Variants in ANK3 observed in about 807,000 individuals in gnomAD.
ANK3 encodes the protein ankyrin 3, also known as ankyrin-3.
In ANK3, 57 loss-of-function variants were observed where a neutral mutation model predicts 370.9. The observed-to-expected ratio is 0.15, with a 90% CI of 0.12 to 0.19. The LOEUF (loss-of-function observed/expected upper bound fraction) is 0.19. ANK3 is among the 10% of genes least tolerant of loss of function. The pLI is 1.00. For missense variants in ANK3, 4,439 were observed against 5,302.1 expected (o/e 0.84, Z 5.06); for synonymous variants, 1,929 against 1,946.3 (o/e 0.99, Z 0.23).
rs10994373 is a variant in ANK3, at chr10:60,484,241, C to T, written c.96+130945G>A. Among the ~76,000 whole-genome samples the T allele has an allele frequency of 3.7e-3, 569 of 152,184 alleles. 2 individuals are homozygous for T. The highest frequency in any genetic ancestry group is 0.013 in the African/African-American group (525 of 41,510). On this transcript the variant is annotated intron_variant, in intron 2 of 43. Coordinates refer to the ANK3 transcript ENST00000373827. ...TGAGGGGGATGGAAATGAGAGACAA[C>T]CTTAGATGACGGTTGTGTCAACTGG...
chr10:60,471,057 G>GCTCT (rs1383389184), intron 2 of ANK3, among the ~76,000 whole-genome samples: 3 of 152,108 alleles, frequency 2.0e-5, no homozygotes, highest in Non-Finnish European at 4.4e-5. Context: ...TATTAGCACT[G>GCTCT]CTCTAGCCTT....
intron 42 of ANK3, among the ~76,000 whole-genome samples, chr10:60,048,050 C>T (rs575630898): frequency 1.3e-5 from 2 of 152,238 alleles, no homozygotes; most frequent in Non-Finnish European, 2.9e-5. Context: ...AGAGAAAAAT[C>T]GCCGTCACCT....
intron 2 of ANK3, among the ~76,000 whole-genome samples, chr10:60,494,993 T>C (rs1319244226): frequency 6.6e-6 from 1 of 152,158 alleles, no homozygotes; most frequent in Non-Finnish European, 1.5e-5. Flanking sequence ...AATCTAACAA[T>C]ACCTTTTCCA....
intron 2 of ANK3, among the ~76,000 whole-genome samples, chr10:60,427,072 T>C (rs1567031499): frequency 6.6e-6 from 1 of 152,154 alleles, no homozygotes; most frequent in Non-Finnish European, 1.5e-5. Context: ...AAGAAGGTGT[T>C]ATCACATGGA....
In ANK3 at chr10:60,290,160, C is replaced by T. The variant is rs570016949; in HGVS notation, c.115-10521G>A. 4.4e-4 allele frequency among the ~76,000 whole-genome samples: 67 copies of T among 152,282 alleles called. No individual in the cohort carries two copies. In the South Asian group the frequency reaches 0.014, roughly 31 times the overall value. On this transcript the variant is annotated intron_variant, in intron 1 of 43. Coordinates refer to ENST00000280772, the MANE Select transcript of ANK3 (RefSeq NM_020987.5). ...ATGCAACCAATTACACAAACGAAAA[C>T]AACGGTGACATTCATACTATAATCT...
intron 5 of ANK3, among the ~76,000 whole-genome samples, chr10:60,267,019 G>A (rs187406406): frequency 6.6e-6 from 1 of 152,128 alleles, no homozygotes; most frequent in Non-Finnish European, 1.5e-5. Context: ...GCAGTACACA[G>A]TAATACAAAA....
intron 4 of ANK3, 142 bp downstream of exon 4, chr10:60,278,632 A>G: frequency 1.5e-6 from 1 of 679,006 alleles, no homozygotes; most frequent in Non-Finnish European, 2.5e-6. Flanking sequence ...TTGCCTTCCA[A>G]AGTGTGCCAA....
chr10:60,507,762 A>T (rs2075977790), intron 2 of ANK3: 1 of 152,094 alleles, frequency 6.6e-6, no homozygotes, highest in African/African-American at 2.4e-5. Context: ...AGTAATGAAG[A>T]TATTAAAAGG....
At chr10:60,566,748 C>T (rs2077473138) in intron 2 of ANK3, among the ~76,000 whole-genome samples, 2 of 152,172 alleles carry the variant, frequency 1.3e-5, no homozygotes, top group African/African-American at 4.8e-5. Context: ...TGGTGGAGCA[C>T]ACTTGTGATC....
chr10:60,108,706 CA>C, intron 27 of ANK3, 123 bp downstream of exon 27: 1 of 783,908 alleles, frequency 1.3e-6, no homozygotes, highest in Non-Finnish European at 2.1e-6. Flanking sequence ...TGACACTTTA[CA>C]AAAAGTATAC....
chr10:60,523,444 T>A (rs2076397669), intron 2 of ANK3, among the ~76,000 whole-genome samples: 1 of 133,166 alleles, frequency 7.5e-6, no homozygotes, highest in Non-Finnish European at 1.5e-5. Context: ...CTTGTGTCCA[T>A]GTGTTCTCAT....
At chr10:60,733,235 G>T (rs747077305) in intron 1 of ANK3, 36 of 1,239,536 alleles carry the variant, frequency 2.9e-5, no homozygotes, top group African/African-American at 4.7e-5. Context: ...GAAGGCAGCC[G>T]CAGGTAGGGG....
At position 60,157,886 on chromosome 10, in the gene ANK3, A is replaced by AGAGAGAGAGAG. The variant is rs2095385353; in HGVS notation, c.2614+8704_2614+8705insCTCTCTCTCTC. On this transcript the variant is annotated intron_variant, in intron 23 of 43. Transcript: ENST00000280772. ...GGAGAGACAGAGAGAGAGAGAGAAAAAGAGAGAGAGAGAGAGAGAGAGAGA... is the reference window on the plus strand; with the variant it reads ...GGAGAGACAGAGAGAGAGAGAGAAAAGAGAGAGAGAGAGAGAGAGAGAGAGAGAGAGAGAGA... Among the ~76,000 whole-genome samples, 8 of 132,770 alleles carry AGAGAGAGAGAG rather than the reference A, an allele frequency of 6.0e-5. No homozygotes were observed. In the East Asian group the frequency reaches 2.0e-3, roughly 32 times the overall value. 87.1% of individuals were successfully genotyped at this position (132,770 alleles called of 152,430 possible).
At chr10:60,265,042 T>C (rs1240058816) in intron 5 of ANK3, among the ~76,000 whole-genome samples, 2 of 152,170 alleles carry the variant, frequency 1.3e-5, no homozygotes, top group Non-Finnish European at 2.9e-5. Context: ...TTATGACTTA[T>C]GAATACAATG....
rs182161816 is a variant in ANK3 at position 60,149,311 on chromosome 10, T to C, written c.2615-10224A>G. 1.1e-3 allele frequency among the ~76,000 whole-genome samples: 174 copies of C among 152,276 alleles called. 2 individuals carry two copies. The highest frequency in any genetic ancestry group is 3.8e-3 in the African/African-American group (158 of 41,552). On this transcript the variant is annotated intron_variant, in intron 23 of 43. Coordinates refer to ENST00000280772, the MANE Select transcript of ANK3 (RefSeq NM_020987.5). ...ACCTTGTCTTCCCCTTGCTCATTCATTCTCACTGTTGTGTTCTCTGAGCTA... is the reference window on the plus strand; with the variant it reads ...ACCTTGTCTTCCCCTTGCTCATTCACTCTCACTGTTGTGTTCTCTGAGCTA...
chr10:60,160,249 G>A (rs547960534), intron 23 of ANK3, among the ~76,000 whole-genome samples: 2 of 151,906 alleles, frequency 1.3e-5, no homozygotes, highest in African/African-American at 4.8e-5. Context: ...AAATTCAAAG[G>A]CTCATTAGAG....
At chr10:60,252,699 A>C (rs1055741486) in intron 7 of ANK3, among the ~76,000 whole-genome samples, 10 of 152,084 alleles carry the variant, frequency 6.6e-5, no homozygotes, top group East Asian at 1.9e-4. Context: ...TTTCTCATTT[A>C]TTATTTCTTA....
intron 1 of ANK3, among the ~76,000 whole-genome samples, chr10:60,624,850 A>C (rs1366923151): frequency 6.6e-6 from 1 of 152,172 alleles, no homozygotes; most frequent in Non-Finnish European, 1.5e-5. Context: ...GAGAGAAAAT[A>C]ATCAATTAAA....
intron 2 of ANK3, among the ~76,000 whole-genome samples, chr10:60,424,516 T>G (rs897714439): frequency 2.6e-5 from 4 of 151,984 alleles, no homozygotes; most frequent in African/African-American, 9.7e-5. Flanking sequence ...ACACCAAACA[T>G]TTTTGAGCTC....
Sources: gnomAD v4.1 joint callset for allele counts (sites outside exome capture counted in the v4.1 genomes callset) on GRCh38, gnomAD v4.1.1 for gene constraint, MANE v1.5 for transcripts, NCBI Gene and HGNC (gene_info 2026-07-23, HGNC 2026-07-21) for gene names.